Variants in OSBPL10 observed in about 807,000 individuals in gnomAD.
The protein encoded by OSBPL10 is oxysterol binding protein like 10.
In OSBPL10, 49 loss-of-function variants were observed where a neutral mutation model predicts 81.7. The observed-to-expected ratio is 0.60, with a 90% CI of 0.48 to 0.76. OSBPL10 has a LOEUF of 0.76. Among genes scored for constraint, OSBPL10 ranks in the 30% least tolerant of loss-of-function variants. The pLI, the probability that OSBPL10 is intolerant of heterozygous loss-of-function variation, is 0.00. For missense variants in OSBPL10, 923 were observed against 987.8 expected (o/e 0.93, Z 0.88); for synonymous variants, 419 against 383.6 (o/e 1.09, Z -1.08).
chr3:31,920,697 G>A (rs951578680), intron 1 of OSBPL10, among the ~76,000 whole-genome samples: 4 of 152,182 alleles, frequency 2.6e-5, no homozygotes. Flanking sequence ...CTGGTGGGAG[G>A]TGCCTGGGTC....
intron 4 of OSBPL10, among the ~76,000 whole-genome samples, chr3:31,817,373 T>A (rs1395180557): frequency 6.6e-6 from 1 of 152,076 alleles, no homozygotes; most frequent in Non-Finnish European, 1.5e-5. Flanking sequence ...GGAACAGACA[T>A]CCTCAAGCCA....
At chr3:31,723,539 T>TACACACACAC (rs35189802) in intron 6 of OSBPL10, among the ~76,000 whole-genome samples, 31 of 125,088 alleles carry the variant, frequency 2.5e-4, no homozygotes, top group African/African-American at 1.1e-3. Flanking sequence ...CTCTGTTTCT[T>TACACACACAC]ACACACACAC....
intron 4 of OSBPL10, among the ~76,000 whole-genome samples, chr3:31,774,637 C>T (rs564202191): frequency 4.0e-5 from 6 of 151,812 alleles, no homozygotes; most frequent in East Asian, 3.9e-4. Context: ...CTCAGCTTCT[C>T]GAGTAGCTGG....
chr3:32,012,863 T>C (rs571504516), intron 2 of OSBPL10, among the ~76,000 whole-genome samples: 2 of 152,008 alleles, frequency 1.3e-5, no homozygotes, highest in East Asian at 1.9e-4. Flanking sequence ...TACATAATGG[T>C]AAAGGGATCA....
chr3:31,845,657 G>A (rs992831294), intron 3 of OSBPL10, among the ~76,000 whole-genome samples: 1 of 152,110 alleles, frequency 6.6e-6, no homozygotes, highest in Non-Finnish European at 1.5e-5. Flanking sequence ...GAAATGCTAA[G>A]CATGAGCCCC....
chr3:31,904,984 C>T (rs1391219286), intron 1 of OSBPL10, among the ~76,000 whole-genome samples: 1 of 152,110 alleles, frequency 6.6e-6, no homozygotes, highest in Admixed American at 6.5e-5. Context: ...GAATATAAAA[C>T]AAAAGTATAA....
chr3:31,892,713 G>C (rs1695932755), intron 1 of OSBPL10, among the ~76,000 whole-genome samples: 1 of 152,188 alleles, frequency 6.6e-6, no homozygotes, highest in Non-Finnish European at 1.5e-5. Flanking sequence ...GCCTGAGGGA[G>C]AGGGAGAGGG....
At position 31,915,823 on chromosome 3, in the gene OSBPL10, G is replaced by T. The variant is rs534766278; in HGVS notation, c.282-35993C>A. ...TTAAGAGAAATCCAGGCCGGGAGTG[G>T]TAGCTCACGCCTGTAATCCCAGCAC... On this transcript the variant is annotated intron_variant, in intron 1 of 11. Transcript: ENST00000396556. Among the ~76,000 whole-genome samples, 22 of 152,238 alleles carry T rather than the reference G, an allele frequency of 1.4e-4. No homozygotes were observed. The South Asian group carries it at 4.1e-3, about 29-fold the overall frequency.
intron 5 of OSBPL10, among the ~76,000 whole-genome samples, chr3:31,738,490 G>C (rs1697255243): frequency 6.6e-6 from 1 of 152,134 alleles, no homozygotes; most frequent in South Asian, 2.1e-4. Context: ...AATTTGGAGG[G>C]GGTTGGGGAG....
At chr3:31,893,141 C>G (rs913520442) in intron 1 of OSBPL10, among the ~76,000 whole-genome samples, 1 of 152,168 alleles carries the variant, frequency 6.6e-6, no homozygotes, top group Non-Finnish European at 1.5e-5. Context: ...GGCTAAAGCA[C>G]AATCTCTGGC....
At chr3:31,731,019 G>A (rs1232716621) in intron 6 of OSBPL10, among the ~76,000 whole-genome samples, 1 of 152,144 alleles carries the variant, frequency 6.6e-6, no homozygotes, top group African/African-American at 2.4e-5. Context: ...CTATATAGAA[G>A]TTATTCCTCC....
At chr3:31,854,140 G>GT (rs34484240) in intron 3 of OSBPL10, among the ~76,000 whole-genome samples, 76,455 of 146,348 alleles carry the variant, frequency 0.52, 22,304 homozygotes, top group East Asian at 0.77. Context: ...TCTCAGTAAA[G>GT]TTTTTTTTTT....
Position 32,009,494 on chromosome 3 carries a change from A to G in OSBPL10, n.298+36997T>C, listed in dbSNP as rs76035066. ...CAGTCTTCCACACAGGGCTACAAGG[A>G]GGAATAAATGAAACAATGCATTTCC... On this transcript the variant is annotated intron_variant and non_coding_transcript_variant, in intron 2 of 3. Transcript: ENST00000479173. Among the ~76,000 whole-genome samples the G allele has an allele frequency of 2.9e-3, 435 of 152,354 alleles. 8 individuals carry two copies. The highest frequency in any genetic ancestry group is 0.024 in the East Asian group (126 of 5,182).
chr3:31,969,614 G>A (rs535545792), intron 1 of OSBPL10: 5 of 152,284 alleles, frequency 3.3e-5, no homozygotes, highest in East Asian at 1.9e-4. Flanking sequence ...TAATGAGGTC[G>A]GATTACTTGA....
intron 2 of OSBPL10, among the ~76,000 whole-genome samples, chr3:32,012,575 T>C (rs1246996592): frequency 1.3e-5 from 2 of 152,104 alleles, no homozygotes; most frequent in South Asian, 2.1e-4. Context: ...ATGACAGGAT[T>C]AAATTCACAC....
chr3:31,873,855 T>G (rs987451126), intron 3 of OSBPL10, among the ~76,000 whole-genome samples: 1 of 152,204 alleles, frequency 6.6e-6, no homozygotes, highest in Non-Finnish European at 1.5e-5. Flanking sequence ...AGCCTTGAAT[T>G]TGGTAATGCT....
chr3:31,697,642 A>G (rs1695766702), intron 7 of OSBPL10, among the ~76,000 whole-genome samples: 1 of 152,218 alleles, frequency 6.6e-6, no homozygotes, highest in African/African-American at 2.4e-5. Context: ...GTCATCTTTT[A>G]TTCCTCTCTC....
At chr3:31,668,550 C>T (rs894203578) in intron 10 of OSBPL10, 92 bp downstream of exon 10, 34 of 1,217,000 alleles carry the variant, frequency 2.8e-5, no homozygotes, top group Admixed American at 2.3e-4. Context: ...TGTTTCCAGT[C>T]GCTAAGTTTC....
At chr3:31,926,288 T>TTCCCCCCCCCCC (rs1034706033) in intron 1 of OSBPL10, among the ~76,000 whole-genome samples, 4 of 88,144 alleles carry the variant, frequency 4.5e-5, no homozygotes, top group African/African-American at 1.5e-4. Context: ...TGGGTGATTT[T>TTCCCCCCCCCCC]GCCCCCCCAG....
Sources: allele counts gnomAD v4.1 joint callset (sites outside exome capture counted in the v4.1 genomes callset), GRCh38; gene constraint gnomAD v4.1.1; transcripts MANE v1.5; gene names NCBI Gene and HGNC (gene_info 2026-07-23, HGNC 2026-07-21).